The following MAG variants were observed in gnomAD, a reference collection of about 807,000 sequenced individuals.
MAG encodes myelin-associated glycoprotein.
In MAG, 30 loss-of-function variants were observed where a neutral mutation model predicts 60.7. The observed-to-expected ratio is 0.49, with a 90% CI of 0.37 to 0.67. MAG has a LOEUF of 0.67. Ranked by LOEUF, MAG falls within the 30% of genes least tolerant of loss-of-function variation. MAG has a pLI of 0.00. For synonymous variants in MAG, 384 were observed against 376.8 expected (o/e 1.02, Z -0.22); for missense variants, 795 against 851.7 (o/e 0.93, Z 0.83).
chr19:35,292,303 T>TCGCTGTGCAC, intron 1 of MAG, 99 bp downstream of exon 1: 1 of 454,904 alleles, frequency 2.2e-6, no homozygotes, highest in South Asian at 1.6e-5. Flanking sequence ...TGAGGGAGCA[T>TCGCTGTGCAC]CGCTGTGCAC....
chr19:35,312,103 G>A (rs2066532371), intron 10 of MAG, 86 bp downstream of exon 10: 1 of 1,380,620 alleles, frequency 7.2e-7, no homozygotes, highest in East Asian at 2.3e-5. Context: ...CCAAGGGGCA[G>A]GGGAGTGGGA....
Position 35,295,559 on chromosome 19 carries a change from G to A in MAG, c.47-54G>A, listed in dbSNP as rs1209883159. ...ATGTGGTTGGGGATGGGAGCCGGAG[G>A]GGGTGATCGGGTAGGACGTGTCCCT... On this transcript the variant is annotated intron_variant, in intron 3 of 10. Transcript: ENST00000392213. This position sits in a 1 kb window ranked among gnomAD's most constrained non-coding sequence, Gnocchi z 5.8. 1 of 1,597,294 alleles carries A rather than the reference G, an allele frequency of 6.3e-7. No individual in the cohort carries two copies. The highest frequency in any genetic ancestry group is 8.5e-7 in the Non-Finnish European group (1 of 1,172,176).
At chr19:35,304,329 C>G (rs1035061612) in intron 7 of MAG, among the ~76,000 whole-genome samples, 3 of 152,106 alleles carry the variant, frequency 2.0e-5, no homozygotes, top group Admixed American at 1.3e-4. Context: ...ACACCCCACA[C>G]CAGTGATTCT....
Position 35,302,540 on chromosome 19 carries a change from C to T in MAG, c.1063C>T (p.Pro355Ser), listed in dbSNP as rs758200621. Residue 355 changes from proline (P) to serine (S), a missense_variant, in exon 7 of 11, where the codon CCT becomes TCT. Transcript: ENST00000392213. ...ILCSTQSNPD[P>S]ILTIFKEKQI... Reference sequence around the variant, plus strand: ...GTGCTCCACACAGAGCAACCCGGACCCTATTCTCACCATCTTCAAGGAGAA... The same window carrying T: ...GTGCTCCACACAGAGCAACCCGGACTCTATTCTCACCATCTTCAAGGAGAA... 1 of 1,614,182 alleles carries T rather than the reference C, an allele frequency of 6.2e-7. No homozygotes were observed. Among genetic ancestry groups the T allele is most frequent in the Admixed American group, 1.7e-5 (1 of 60,026 alleles).
chr19:35,312,575 T>A (rs917518903), intron 10 of MAG: 1 of 585,348 alleles, frequency 1.7e-6, no homozygotes, highest in Non-Finnish European at 3.0e-6. Flanking sequence ...GGAACCCACA[T>A]GTCACCTGCA....
rs2066432443 is a variant in MAG at position 35,299,750 on chromosome 19, C to T, written c.612C>T (p.Phe204=). ...GTWVQVSLLH[F]VPTREANGHR... ...GGGTGCAGGTGTCACTGCTGCACTTCGTGCCCACGAGGGAGGCCAACGGCC... is the reference window on the plus strand; with the variant it reads ...GGGTGCAGGTGTCACTGCTGCACTTTGTGCCCACGAGGGAGGCCAACGGCC... The change falls in exon 5 of 11, where the codon TTC becomes TTT. Residue 204 remains phenylalanine (F), a synonymous_variant. Transcript: ENST00000392213. 5.1e-6 allele frequency: 8 copies of T among 1,556,504 alleles called. No individual in the cohort carries two copies. Among genetic ancestry groups the T allele is most frequent in the South Asian group, 1.2e-5 (1 of 85,112 alleles).
chr19:35,299,054 CACACACACATACCT>C (rs1447704640), intron 4 of MAG, among the ~76,000 whole-genome samples: 1 of 151,572 alleles, frequency 6.6e-6, no homozygotes, highest in Non-Finnish European at 1.5e-5. Flanking sequence ...CACACACACA[CACACACACATACCT>C]ACACACACAC....
Position 35,302,466 on chromosome 19 carries a change from C to T in MAG, c.989C>T (p.Thr330Ile), listed in dbSNP as rs746106131. ...LSVMYAPWKP[T>I]VNGTMVAVEG... is the part of the protein sequence containing the mutation. The stretch of plus-strand genomic sequence containing the variant: ...CCCGCAGATGCACCCTGGAAGCCAA[C>T]AGTGAACGGGACAATGGTGGCCGTA... The change falls in exon 7 of 11, where the codon ACA becomes ATA. Residue 330 changes from threonine (T) to isoleucine (I), a missense_variant. Transcript: ENST00000392213. 9 of 1,614,176 alleles carry T rather than the reference C, an allele frequency of 5.6e-6. No homozygotes were observed. In the Admixed American group the frequency reaches 1.3e-4, roughly 24 times the overall value.
At chr19:35,296,616 G>A (rs895230217) in intron 4 of MAG, among the ~76,000 whole-genome samples, 2 of 151,978 alleles carry the variant, frequency 1.3e-5, no homozygotes, top group African/African-American at 2.4e-5. Flanking sequence ...TCAGAATAGG[G>A]CACACTGCCT....
intron 7 of MAG, among the ~76,000 whole-genome samples, chr19:35,303,887 C>T (rs957262406): frequency 6.6e-6 from 1 of 151,864 alleles, no homozygotes; most frequent in African/African-American, 2.4e-5. Flanking sequence ...TCTGGAATAT[C>T]GCCTTCCTGT....
At chr19:35,299,483 G>A (rs2066429286) in intron 4 of MAG, 71 bp from the exon 5 acceptor site, 2 of 1,078,600 alleles carry the variant, frequency 1.9e-6, no homozygotes, top group East Asian at 2.7e-5. Flanking sequence ...AAGGAGGAGG[G>A]TGGGTGGGGT....
chr19:35,313,264 T>C (rs2066541802), intron 10 of MAG, 26 bp from the exon 11 acceptor site: 1 of 1,606,440 alleles, frequency 6.2e-7, no homozygotes, highest in South Asian at 1.1e-5. Context: ...AGCAGGACCC[T>C]GCTAATGGGC....
chr19:35,312,512 T>C (rs535827403), intron 10 of MAG: 8 of 357,908 alleles, frequency 2.2e-5, no homozygotes, highest in African/African-American at 1.8e-4. Context: ...CACCGTCCTG[T>C]GTGTCCAAAT....
intron 4 of MAG, 131 bp downstream of exon 4, chr19:35,296,112 G>A (rs1170507325): frequency 5.3e-6 from 7 of 1,321,202 alleles, no homozygotes; most frequent in Non-Finnish European, 7.2e-6. Flanking sequence ...GATTTGGCTG[G>A]GGGTGCAAAC....
At chr19:35,306,352 A>C (rs1215974760) in intron 7 of MAG, among the ~76,000 whole-genome samples, 3 of 151,966 alleles carry the variant, frequency 2.0e-5, no homozygotes, top group Non-Finnish European at 4.4e-5. Context: ...TTTGCTGCTG[A>C]GGTTTTGCTC....
chr19:35,307,707 A>G (rs1013495405), intron 7 of MAG, among the ~76,000 whole-genome samples: 14 of 152,118 alleles, frequency 9.2e-5, no homozygotes, highest in Admixed American at 9.2e-4. Flanking sequence ...AATAACAATA[A>G]TAATAATAAT....
At chr19:35,308,121 G>A (rs2066498365) in intron 7 of MAG, among the ~76,000 whole-genome samples, 1 of 152,136 alleles carries the variant, frequency 6.6e-6, no homozygotes, top group South Asian at 2.1e-4. Context: ...GATGCAGGGA[G>A]GGTGAGTGCT....
chr19:35,295,602 C>T lies in MAG; in HGVS notation c.47-11C>T. ...GTGTCCCTGAGCCTCAGCTCTCCTG[C>T]TTGCCCGCAGCCTCCCGAGGGGGTC... On this transcript the variant is annotated splice_polypyrimidine_tract_variant and intron_variant, in intron 3 of 10. Coordinates refer to ENST00000392213, the MANE Select transcript of MAG (RefSeq NM_002361.4). The surrounding 1 kb of genome is among the most constrained non-coding windows in gnomAD (Gnocchi z 5.8). 6.3e-7 allele frequency: 1 copy of T among 1,597,292 alleles called. No homozygotes were observed. The highest frequency in any genetic ancestry group is 1.1e-5 in the South Asian group (1 of 88,536).
chr19:35,313,048 T>C (rs943095500), intron 10 of MAG, among the ~76,000 whole-genome samples: 1 of 152,106 alleles, frequency 6.6e-6, no homozygotes, highest in Non-Finnish European at 1.5e-5. Context: ...AGAAGCAGCT[T>C]CCTGGAGAAA....
Sources: allele counts gnomAD v4.1 joint callset (sites outside exome capture counted in the v4.1 genomes callset), GRCh38; gene constraint gnomAD v4.1.1; non-coding constraint Gnocchi (gnomAD v3.1); transcripts MANE v1.5; gene names NCBI Gene and HGNC (gene_info 2026-07-23, HGNC 2026-07-21).